SRFBP1: variants seen among roughly 807,000 people sequenced by gnomAD.
The protein encoded by SRFBP1 is serum response factor-binding protein 1.
In SRFBP1, 47 loss-of-function variants were observed where a neutral mutation model predicts 45.5. The ratio of observed to expected loss-of-function variants is 1.03; its 90% CI spans 0.82 to 1.32. The LOEUF is 1.32. Among genes scored for constraint, SRFBP1 ranks in the 40% most tolerant of loss-of-function variants. The pLI, the probability that SRFBP1 is intolerant of heterozygous loss-of-function variation, is 0.00. For missense variants in SRFBP1, 621 were observed against 484.6 expected, an observed-to-expected ratio of 1.28 and a Z score of -2.64; for synonymous variants, 203 against 166.3, an observed-to-expected ratio of 1.22 and a Z score of -1.70.
At chr5:122,073,942 A>T (rs1754532482) in intron 2 of SRFBP1, 1 of 1,399,348 alleles carries the variant, frequency 7.1e-7, no homozygotes, top group African/African-American at 1.4e-5. Context: ...ATGCTATTTA[A>T]TGCTAACTAA....
At chr5:122,030,913 A>G (rs6886300), downstream of SRFBP1, among the ~76,000 whole-genome samples, 7,603 of 152,236 alleles carry the variant, frequency 0.05, 237 homozygotes, top group African/African-American at 0.08. Context: ...AAGTTATGAC[A>G]TATTTTTTTG....
chr5:121,995,710 C>T (rs1268791475), intron 4 of SRFBP1, among the ~76,000 whole-genome samples: 6 of 152,002 alleles, frequency 3.9e-5, no homozygotes, highest in Admixed American at 2.6e-4. Context: ...TTCAAAAAAT[C>T]AGTGAATCCA....
At chr5:122,058,382 ATTCT>A (rs1754118129) in intron 2 of SRFBP1, among the ~76,000 whole-genome samples, 1 of 152,124 alleles carries the variant, frequency 6.6e-6, no homozygotes. Context: ...ATTTATATTC[ATTCT>A]AAGATATTTG....
chr5:122,024,217 A>G (rs1465786615), intron 7 of SRFBP1, among the ~76,000 whole-genome samples: 2 of 152,212 alleles, frequency 1.3e-5, no homozygotes, highest in African/African-American at 2.4e-5. Context: ...AGCAAACTCC[A>G]TAGGCTTGTG....
chr5:122,034,418 C>T (rs952852171), intron 2 of SRFBP1, among the ~76,000 whole-genome samples: 3 of 151,676 alleles, frequency 2.0e-5, no homozygotes, highest in Non-Finnish European at 4.4e-5. Flanking sequence ...TGTCCTTTTG[C>T]TTATACTTTT....
intron 1 of SRFBP1, among the ~76,000 whole-genome samples, chr5:121,971,990 C>CAG (rs1752208950): frequency 6.6e-6 from 1 of 151,930 alleles, no homozygotes; most frequent in South Asian, 2.1e-4. Context: ...TTGGACGTCT[C>CAG]TTTCTAAAAG....
intron 4 of SRFBP1, among the ~76,000 whole-genome samples, chr5:121,995,699 C>G (rs1277178025): frequency 3.3e-5 from 5 of 151,972 alleles, no homozygotes; most frequent in Non-Finnish European, 5.9e-5. Context: ...ACAAAAAACC[C>G]TTCAAAAAAT....
intron 4 of SRFBP1, among the ~76,000 whole-genome samples, chr5:121,997,042 A>G (rs1446680253): frequency 9.6e-6 from 1 of 104,640 alleles, no homozygotes; most frequent in Non-Finnish European, 1.9e-5. Context: ...AGAACATTCC[A>G]TGCTCATGGG....
chr5:121,993,236 G>T (rs1163834628), intron 3 of SRFBP1, among the ~76,000 whole-genome samples: 2 of 151,984 alleles, frequency 1.3e-5, no homozygotes, highest in African/African-American at 2.4e-5. Context: ...AAAATTACCT[G>T]CCTGGGTTGC....
At chr5:121,986,716 A>G (rs1473596494) in intron 3 of SRFBP1, among the ~76,000 whole-genome samples, 4 of 152,094 alleles carry the variant, frequency 2.6e-5, no homozygotes, top group African/African-American at 9.7e-5. Context: ...CAGGGTTTAT[A>G]CTTTTTCTGC....
At chr5:122,077,058 A>C, downstream of SRFBP1, 2 of 1,600,034 alleles carry the variant, frequency 1.2e-6, no homozygotes, top group Non-Finnish European at 8.5e-7. The surrounding 1 kb of genome is among the most constrained non-coding windows in gnomAD (Gnocchi z 4.9). Context: ...CCCCCGCTCC[A>C]ACTCCCTACC....
chr5:121,994,264 C>T (rs1048572854), intron 3 of SRFBP1, among the ~76,000 whole-genome samples: 1 of 151,988 alleles, frequency 6.6e-6, no homozygotes, highest in African/African-American at 2.4e-5. Flanking sequence ...ACAGTCTCAG[C>T]ACCTGCTTTC....
At chr5:122,054,129 C>G (rs560759726) in intron 2 of SRFBP1, among the ~76,000 whole-genome samples, 3 of 152,172 alleles carry the variant, frequency 2.0e-5, no homozygotes, top group African/African-American at 7.2e-5. Flanking sequence ...CTGATCTGCT[C>G]CAGGGCCCAA....
intron 4 of SRFBP1, among the ~76,000 whole-genome samples, chr5:122,017,896 G>A (rs1192296717): frequency 1.3e-5 from 2 of 152,196 alleles, no homozygotes; most frequent in African/African-American, 4.8e-5. Context: ...TATTAAATGT[G>A]TATTGGGTGC....
intron 2 of SRFBP1, chr5:122,064,702 T>G (rs1204065564): frequency 6.6e-6 from 1 of 151,990 alleles, no homozygotes; most frequent in East Asian, 1.9e-4. Context: ...TAATACTTAT[T>G]GAGGTTATAG....
At chr5:122,014,203 T>C (rs1753150753) in intron 4 of SRFBP1, among the ~76,000 whole-genome samples, 1 of 152,202 alleles carries the variant, frequency 6.6e-6, no homozygotes, top group African/African-American at 2.4e-5. Context: ...TTTATAACAA[T>C]ATTTATATAT....
chr5:121,967,455 T>A (rs1752095921), intron 1 of SRFBP1, among the ~76,000 whole-genome samples: 1 of 152,124 alleles, frequency 6.6e-6, no homozygotes, highest in Non-Finnish European at 1.5e-5. Flanking sequence ...CTAGGTATTT[T>A]AAAAAATTGT....
chr5:122,021,369 A>G (rs558858082), intron 6 of SRFBP1, among the ~76,000 whole-genome samples: 19 of 152,270 alleles, frequency 1.2e-4, no homozygotes, highest in African/African-American at 3.6e-4. Flanking sequence ...TGTAATTCCA[A>G]TTTGATAAAG....
intron 3 of SRFBP1, among the ~76,000 whole-genome samples, chr5:121,982,575 T>C (rs1194268687): frequency 6.6e-6 from 1 of 151,954 alleles, no homozygotes; most frequent in Non-Finnish European, 1.5e-5. Flanking sequence ...CGATAGTATG[T>C]ATTGTCTGTT....
Sources: gnomAD v4.1 joint callset for allele counts (sites outside exome capture counted in the v4.1 genomes callset) on GRCh38, gnomAD v4.1.1 for gene constraint, Gnocchi (gnomAD v3.1) non-coding constraint, MANE v1.5 for transcripts, NCBI Gene and HGNC (gene_info 2026-07-23, HGNC 2026-07-21) for gene names.